The following CYP39A1 variants were observed in gnomAD, a reference collection of about 807,000 sequenced individuals.
CYP39A1 encodes 24-hydroxycholesterol 7-alpha-hydroxylase.
A neutral mutation model predicts 58.1 loss-of-function variants in CYP39A1; 49 were observed. The ratio of observed to expected loss-of-function variants is 0.84; its 90% CI spans 0.67 to 1.07. CYP39A1 has a LOEUF of 1.07. Among genes scored for constraint, CYP39A1 ranks in the 50% least tolerant of loss-of-function variants. The probability of loss-of-function intolerance (pLI) is 0.00; values close to 1 mark genes in which losing one functional copy is unlikely to be tolerated. For missense variants in CYP39A1, 531 were observed against 539.4 expected (o/e 0.98, Z 0.16); for synonymous variants, 209 against 187.6 (o/e 1.11, Z -0.93).
In CYP39A1 at chr6:46,619,800, C is replaced by T. The variant is rs548129253; in HGVS notation, c.931+5618G>A. Among the ~76,000 whole-genome samples the T allele has an allele frequency of 4.6e-5, 7 of 152,230 alleles. No homozygotes were observed. The East Asian group carries it at 1.2e-3, about 25-fold the overall frequency. On this transcript the variant is annotated intron_variant, in intron 7 of 11. Coordinates refer to ENST00000275016, the MANE Select transcript of CYP39A1 (RefSeq NM_016593.5). ...TGCAAGAACATGGACTGTTACTTTA[C>T]TCATCTTCATAGCTCTGGTACTTCA...
Position 46,631,081 on chromosome 6 carries a change from GA to G in CYP39A1, c.733-12del, listed in dbSNP as rs757514579. Reference sequence around the variant, plus strand: ...AGCTTGCAATAATGTCTGTTTAAAAGAAATAAACATTGCCAAACCATGGCTA... The same window carrying G: ...AGCTTGCAATAATGTCTGTTTAAAAGAATAAACATTGCCAAACCATGGCTA... On this transcript the variant is annotated splice_polypyrimidine_tract_variant and intron_variant, in intron 5 of 11. Coordinates refer to ENST00000275016, the MANE Select transcript of CYP39A1 (RefSeq NM_016593.5). 2 of 1,590,378 alleles carry G rather than the reference GA, an allele frequency of 1.3e-6. No individual in the cohort carries two copies. The highest frequency in any genetic ancestry group is 1.7e-6 in the Non-Finnish European group (2 of 1,159,914).
intron 7 of CYP39A1, 128 bp downstream of exon 7, chr6:46,625,290 T>C (rs568725900): frequency 3.3e-6 from 2 of 607,622 alleles, no homozygotes; most frequent in East Asian, 2.9e-5. Context: ...TATCCTGATA[T>C]ATAACAAATT....
intron 8 of CYP39A1, among the ~76,000 whole-genome samples, chr6:46,594,984 G>A (rs1773060139): frequency 6.6e-6 from 1 of 151,586 alleles, no homozygotes; most frequent in African/African-American, 2.4e-5. Context: ...CAAAAAAAAT[G>A]ATTTTTAAAA....
rs144772162 is a variant in CYP39A1, at chr6:46,616,882, A to G, written c.931+8536T>C. On this transcript the variant is annotated intron_variant, in intron 7 of 11. Transcript: ENST00000275016. ...TGAGGTCACTGGATGTGTGCACTGA[A>G]TACCACAATCTGACAGAGAGAGAGA... is the stretch of plus-strand genomic sequence containing the variant. Among the ~76,000 whole-genome samples the G allele has an allele frequency of 2.1e-3, 313 of 152,278 alleles. 2 individuals are homozygous for G. Among genetic ancestry groups the G allele is most frequent in the African/African-American group, 7.4e-3 (307 of 41,574 alleles).
chr6:46,615,091 G>A (rs1774445372), intron 7 of CYP39A1, among the ~76,000 whole-genome samples: 2 of 152,052 alleles, frequency 1.3e-5, no homozygotes, highest in African/African-American at 2.4e-5. Flanking sequence ...TAGTTTCAAG[G>A]AAGGCAAGGA....
At chr6:46,608,260 A>G (rs2150544913) in intron 7 of CYP39A1, among the ~76,000 whole-genome samples, 1 of 152,336 alleles carries the variant, frequency 6.6e-6, no homozygotes, top group South Asian at 2.1e-4. Context: ...AATGACAACA[A>G]TTCCTGTGAG....
chr6:46,643,155 A>G (rs909779299), intron 1 of CYP39A1, among the ~76,000 whole-genome samples: 1 of 151,978 alleles, frequency 6.6e-6, no homozygotes, highest in African/African-American at 2.4e-5. Flanking sequence ...CCTTGTTGGG[A>G]AAAAAAAGTC....
chr6:46,629,969 G>A (rs1465220798), intron 6 of CYP39A1, among the ~76,000 whole-genome samples: 1 of 151,576 alleles, frequency 6.6e-6, no homozygotes. Flanking sequence ...AGTAGCTCAC[G>A]CATGTAATCC....
At chr6:46,586,171 G>A (rs749562404) in intron 10 of CYP39A1, 9 of 952,340 alleles carry the variant, frequency 9.5e-6, no homozygotes, top group Middle Eastern at 5.4e-4. Context: ...CATGAAGAAC[G>A]GAAGGATGGA....
intron 7 of CYP39A1, among the ~76,000 whole-genome samples, chr6:46,608,045 CA>C (rs1773960419): frequency 6.6e-6 from 1 of 152,146 alleles, no homozygotes; most frequent in South Asian, 2.1e-4. Context: ...GAAAAACAAA[CA>C]AACTGATTCA....
chr6:46,616,599 T>C (rs1345845671), intron 7 of CYP39A1, among the ~76,000 whole-genome samples: 1 of 152,150 alleles, frequency 6.6e-6, no homozygotes, highest in East Asian at 1.9e-4. Flanking sequence ...GTTAATTGTC[T>C]GTATCCTCTA....
intron 7 of CYP39A1, among the ~76,000 whole-genome samples, chr6:46,620,982 G>A (rs1399027325): frequency 6.6e-6 from 1 of 152,100 alleles, no homozygotes; most frequent in Non-Finnish European, 1.5e-5. Context: ...AATTTCCAAA[G>A]TTGTTACATT....
At chr6:46,619,221 A>C (rs904174229) in intron 7 of CYP39A1, among the ~76,000 whole-genome samples, 2 of 152,148 alleles carry the variant, frequency 1.3e-5, no homozygotes, top group Non-Finnish European at 2.9e-5. Flanking sequence ...ATAAAATGTC[A>C]AATGGGATGG....
chr6:46,625,791 GT>G (rs1775277832), intron 6 of CYP39A1, among the ~76,000 whole-genome samples: 1 of 151,992 alleles, frequency 6.6e-6, no homozygotes, highest in East Asian at 1.9e-4. Flanking sequence ...GAGAAAAGTT[GT>G]TATTTTTACT....
chr6:46,637,801 T>C (rs751060065), intron 4 of CYP39A1, 28 bp downstream of exon 4: 3 of 1,602,178 alleles, frequency 1.9e-6, no homozygotes, highest in East Asian at 2.2e-5. Context: ...GCTTGGTCAA[T>C]GAATTAATTA....
intron 7 of CYP39A1, 113 bp from the exon 8 acceptor site, chr6:46,596,233 C>T: frequency 1.5e-6 from 1 of 668,044 alleles, no homozygotes; most frequent in Non-Finnish European, 2.4e-6. Context: ...TAAAGTGTTC[C>T]TATTACTATT....
chr6:46,622,427 C>G (rs1775015180), intron 7 of CYP39A1, among the ~76,000 whole-genome samples: 1 of 151,962 alleles, frequency 6.6e-6, no homozygotes, highest in Non-Finnish European at 1.5e-5. Flanking sequence ...GAACGCACTT[C>G]TACCTTCCTC....
chr6:46,596,891 A>G (rs1425579516), intron 7 of CYP39A1, among the ~76,000 whole-genome samples: 1 of 152,144 alleles, frequency 6.6e-6, no homozygotes, highest in African/African-American at 2.4e-5. Flanking sequence ...CTGCGCTTTC[A>G]ATTTGTTTTT....
intron 10 of CYP39A1, among the ~76,000 whole-genome samples, chr6:46,582,821 G>C (rs1193120903): frequency 6.6e-6 from 1 of 151,878 alleles, no homozygotes; most frequent in Non-Finnish European, 1.5e-5. Context: ...CTAAAGGAAA[G>C]GGGCTTCATC....
Sources: gnomAD v4.1 joint callset for allele counts (sites outside exome capture counted in the v4.1 genomes callset) on GRCh38, gnomAD v4.1.1 for gene constraint, MANE v1.5 for transcripts, NCBI Gene and HGNC (gene_info 2026-07-23, HGNC 2026-07-21) for gene names.